Variants in THSD7A observed in about 807,000 individuals in gnomAD.
The protein encoded by THSD7A is thrombospondin type-1 domain-containing protein 7A.
A neutral mutation model predicts 231.3 loss-of-function variants in THSD7A; 96 were observed. The ratio of observed to expected loss-of-function variants is 0.41; its 90% CI spans 0.35 to 0.49. The LOEUF (loss-of-function observed/expected upper bound fraction) is 0.49. Among genes scored for constraint, THSD7A ranks in the 20% least tolerant of loss-of-function variants. THSD7A has a pLI of 0.05. For missense variants in THSD7A, 2,290 were observed against 2,070.2 expected (o/e 1.11, Z -2.06); for synonymous variants, 940 against 743.3 (o/e 1.26, Z -4.30).
In THSD7A at chr7:11,526,068, G is replaced by A. The variant is rs150938892; in HGVS notation, c.1822+15351C>T. Among the ~76,000 whole-genome samples the A allele has an allele frequency of 2.8e-3, 431 of 152,236 alleles. 3 individuals carry two copies. The highest frequency in any genetic ancestry group is 9.8e-3 in the African/African-American group (408 of 41,556). On this transcript the variant is annotated intron_variant, in intron 6 of 27. Coordinates refer to ENST00000423059, the MANE Select transcript of THSD7A (RefSeq NM_015204.3). ...CTTACAGCTGTGGTTGGAGTTCTAC[G>A]TTAAAGGATCTGATTATACCATTTC...
chr7:11,733,331 A>G (rs1029932657), intron 1 of THSD7A, among the ~76,000 whole-genome samples: 1 of 151,912 alleles, frequency 6.6e-6, no homozygotes, highest in Admixed American at 6.6e-5. Flanking sequence ...CTTGATTTAT[A>G]TACAGTGGTC....
chr7:11,473,970 T>A (rs1437232552), intron 8 of THSD7A, among the ~76,000 whole-genome samples: 2 of 151,892 alleles, frequency 1.3e-5, no homozygotes, highest in Non-Finnish European at 2.9e-5. Flanking sequence ...AGCCTACGGG[T>A]ATATAGGAGG....
intron 1 of THSD7A, among the ~76,000 whole-genome samples, chr7:11,721,245 C>T (rs922727575): frequency 2.6e-5 from 4 of 151,766 alleles, no homozygotes; most frequent in African/African-American, 4.8e-5. Context: ...TGTGTCTCCA[C>T]TCAAATTTCC....
intron 4 of THSD7A, among the ~76,000 whole-genome samples, chr7:11,579,393 C>A (rs1791058065): frequency 6.6e-6 from 1 of 152,152 alleles, no homozygotes; most frequent in South Asian, 2.1e-4. Flanking sequence ...ACTCATTCAC[C>A]AGTGCACATC....
At chr7:11,657,949 T>C (rs1430956338) in intron 1 of THSD7A, among the ~76,000 whole-genome samples, 2 of 151,636 alleles carry the variant, frequency 1.3e-5, no homozygotes, top group Non-Finnish European at 1.5e-5. Flanking sequence ...GGCTAGGAAA[T>C]AGAGTACCTG....
At chr7:11,741,405 C>T (rs1189883034) in intron 1 of THSD7A, among the ~76,000 whole-genome samples, 2 of 151,844 alleles carry the variant, frequency 1.3e-5, no homozygotes, top group East Asian at 1.9e-4. Flanking sequence ...CTGCACTCTG[C>T]CCTTTCTTCC....
intron 6 of THSD7A, among the ~76,000 whole-genome samples, chr7:11,529,988 T>G (rs1234217513): frequency 6.6e-6 from 1 of 152,046 alleles, no homozygotes; most frequent in Non-Finnish European, 1.5e-5. Context: ...TATAAACAGG[T>G]CTCATTTCAC....
Position 11,820,492 on chromosome 7 carries a change from TC to T in THSD7A, c.190+11264del, listed in dbSNP as rs1283693729. ...CGGAGGTCATCATGCAAGTAATACTTCTTGCTTTTGGGTGTGTAATCTAGGT... is the reference window on the plus strand; with the variant it reads ...CGGAGGTCATCATGCAAGTAATACTTTTGCTTTTGGGTGTGTAATCTAGGT... On this transcript the variant is annotated intron_variant, in intron 1 of 27. Coordinates refer to ENST00000423059, the MANE Select transcript of THSD7A (RefSeq NM_015204.3). The T allele has an allele frequency of 3.0e-6, 3 of 989,672 alleles. No individual in the cohort carries two copies. In the African/African-American group the frequency reaches 4.9e-5, roughly 16 times the overall value. The allele number at this position is 989,672 out of a possible 1,614,324, so 61.3% of individuals were successfully genotyped here.
At chr7:11,725,437 C>T (rs1390566922) in intron 1 of THSD7A, among the ~76,000 whole-genome samples, 1 of 151,874 alleles carries the variant, frequency 6.6e-6, no homozygotes, top group Non-Finnish European at 1.5e-5. Flanking sequence ...AAAAGACATA[C>T]CTATCTTGTT....
At chr7:11,819,406 G>A (rs1257824608) in intron 1 of THSD7A, among the ~76,000 whole-genome samples, 1 of 152,170 alleles carries the variant, frequency 6.6e-6, no homozygotes, top group African/African-American at 2.4e-5. Context: ...AAACTTGGAA[G>A]CAACCAAGAT....
chr7:11,413,479 G>C (rs1167682137), intron 17 of THSD7A, among the ~76,000 whole-genome samples: 2 of 152,104 alleles, frequency 1.3e-5, no homozygotes, highest in African/African-American at 4.8e-5. Context: ...TCTTGAAACT[G>C]CCTTTGCAAA....
Position 11,511,437 on chromosome 7 carries a change from A to G in THSD7A, c.1823-29455T>C, listed in dbSNP as rs565639058. On this transcript the variant is annotated intron_variant, in intron 6 of 27. Transcript: ENST00000423059. Reference sequence around the variant, plus strand: ...TCACAGAATTGGGAAAAACTACTTTAAAGTTCATATGGAACCAAAAAACAG... The same window carrying G: ...TCACAGAATTGGGAAAAACTACTTTGAAGTTCATATGGAACCAAAAAACAG... Among the ~76,000 whole-genome samples, 7 of 152,358 alleles carry G rather than the reference A, an allele frequency of 4.6e-5. No homozygotes were observed. The East Asian group carries it at 1.4e-3, about 29-fold the overall frequency.
chr7:11,477,710 T>C (rs1334534611), intron 7 of THSD7A, among the ~76,000 whole-genome samples: 2 of 152,142 alleles, frequency 1.3e-5, no homozygotes, highest in African/African-American at 4.8e-5. Context: ...TCCTGGCCCA[T>C]CTTGTACTTC....
intron 6 of THSD7A, among the ~76,000 whole-genome samples, chr7:11,533,206 T>TG (rs1230891749): frequency 6.6e-6 from 1 of 151,966 alleles, no homozygotes; most frequent in Non-Finnish European, 1.5e-5. Context: ...CAGTTCAGAG[T>TG]GAAAAAAATG....
chr7:11,438,188 C>A (rs957039778), intron 13 of THSD7A, among the ~76,000 whole-genome samples: 1 of 151,970 alleles, frequency 6.6e-6, no homozygotes, highest in African/African-American at 2.4e-5. Flanking sequence ...GCTTTGGAAT[C>A]ATCTGTGTCA....
At chr7:11,595,659 G>C (rs1041428187) in intron 2 of THSD7A, among the ~76,000 whole-genome samples, 1 of 152,108 alleles carries the variant, frequency 6.6e-6, no homozygotes, top group Admixed American at 6.5e-5. Context: ...ACATACCCTT[G>C]ACCAATGCCT....
chr7:11,533,714 A>G (rs1276522527), intron 6 of THSD7A, among the ~76,000 whole-genome samples: 1 of 152,144 alleles, frequency 6.6e-6, no homozygotes, highest in Non-Finnish European at 1.5e-5. Flanking sequence ...CATAGGAAAC[A>G]ATACACACCA....
In THSD7A at chr7:11,407,370, A is replaced by C; in HGVS notation, c.3852T>G (p.Pro1284=). The change falls in exon 20 of 28, where the codon CCT becomes CCG. Residue 1284 remains proline (P), a synonymous_variant. Transcript: ENST00000423059. The stretch of plus-strand genomic sequence containing the variant: ...ACCAATCAGAAAGCTGACAGTTCAC[A>C]GGGCATTCCACCATGCAGGACGTGT... ...QMNTSCMVEC[P]VNCQLSDWSP... 1 of 1,613,762 alleles carries C rather than the reference A, an allele frequency of 6.2e-7. No individual in the cohort carries two copies.
intron 1 of THSD7A, among the ~76,000 whole-genome samples, chr7:11,796,033 C>CATATATATATATAT (rs6149988): frequency 2.8e-5 from 3 of 107,480 alleles, no homozygotes; most frequent in Non-Finnish European, 3.9e-5. Context: ...TTAAATTAGC[C>CATATATATATATAT]ATATATATAT....
Sources: allele counts gnomAD v4.1 joint callset (sites outside exome capture counted in the v4.1 genomes callset), GRCh38; gene constraint gnomAD v4.1.1; transcripts MANE v1.5; gene names NCBI Gene and HGNC (gene_info 2026-07-23, HGNC 2026-07-21).